The following NCAM1 variants were observed in gnomAD, a reference collection of about 807,000 sequenced individuals.
The protein encoded by NCAM1 is antigen recognized by monoclonal antibody 5.1H11.
Under a neutral mutation model 109.8 loss-of-function variants are expected in NCAM1, and 14 were observed. The observed-to-expected ratio is 0.13, with a 90% CI of 0.08 to 0.20. NCAM1 has a LOEUF of 0.20. Among genes scored for constraint, NCAM1 ranks in the 10% least tolerant of loss-of-function variants. The pLI is 1.00. For synonymous variants in NCAM1, 418 were observed against 442.9 expected (o/e 0.94, Z 0.70); for missense variants, 774 against 1,109.9 (o/e 0.70, Z 4.30).
At chr11:113,064,651 T>C (rs1555083918) in intron 1 of NCAM1, among the ~76,000 whole-genome samples, 1 of 152,226 alleles carries the variant, frequency 6.6e-6, no homozygotes, top group African/African-American at 2.4e-5. Flanking sequence ...GTCAGCAGAC[T>C]GTGGCTTACA....
chr11:113,106,085 C>A lies in NCAM1; in HGVS notation c.53-96294C>A, dbSNP rs375344566. ...TTATTTGACTAATTGGTATAGTAGT[C>A]AACTACCAAACAAATATTATCTGAA... On this transcript the variant is annotated intron_variant, in intron 1 of 19. Coordinates refer to ENST00000316851, the MANE Select transcript of NCAM1 (RefSeq NM_181351.5). 5.3e-4 allele frequency among the ~76,000 whole-genome samples: 81 copies of A among 151,852 alleles called. No individual in the cohort carries two copies. In the South Asian group the frequency reaches 0.016, roughly 31 times the overall value.
intron 1 of NCAM1, among the ~76,000 whole-genome samples, chr11:113,037,846 CT>C (rs1437064891): frequency 6.6e-6 from 1 of 152,360 alleles, no homozygotes; most frequent in East Asian, 1.9e-4. Flanking sequence ...CTTCTGGCCT[CT>C]GGCTCCATGA....
chr11:113,049,829 A>G (rs539214928), intron 1 of NCAM1, among the ~76,000 whole-genome samples: 8 of 152,276 alleles, frequency 5.3e-5, no homozygotes, highest in Non-Finnish European at 1.0e-4. Context: ...TGTCTGTCCT[A>G]TTGACAAAGC....
At position 113,276,342 on chromosome 11, in the gene NCAM1, G is replaced by A. The variant is rs1300480692; in HGVS notation, c.*955G>A. 1 of 152,528 alleles carries A rather than the reference G, an allele frequency of 6.6e-6. No homozygotes were observed. Among genetic ancestry groups the A allele is most frequent in the Admixed American group, 6.5e-5 (1 of 15,284 alleles). 9.4% of individuals were successfully genotyped at this position (152,528 alleles called of 1,614,324 possible). A position where few individuals can be genotyped will look rare whatever the true frequency, so the allele number is the denominator to read the frequency against. On this transcript the variant is annotated 3_prime_UTR_variant, in exon 20 of 20. Coordinates refer to ENST00000316851, the MANE Select transcript of NCAM1 (RefSeq NM_181351.5). ...TCAGGTGAAAATCCATCTCATTCTG[G>A]AATGGTTTTGCTTTTGAATTTTTGG...
rs1214710083 is a variant in NCAM1 at position 113,095,930 on chromosome 11, A to T, written c.53-106449A>T. 5.3e-5 allele frequency among the ~76,000 whole-genome samples: 8 copies of T among 152,332 alleles called. No individual in the cohort carries two copies. In the East Asian group the frequency reaches 1.5e-3, roughly 29 times the overall value. On this transcript the variant is annotated intron_variant, in intron 1 of 19. Transcript: ENST00000316851. The stretch of plus-strand genomic sequence containing the variant: ...CTGTTTTTAAAAATCTGCTGCAAGG[A>T]TTAAATAAAATGACGTAAATGGAAT...
chr11:113,236,199 G>T, intron 14 of NCAM1: 1 of 1,213,118 alleles, frequency 8.2e-7, no homozygotes, highest in Non-Finnish European at 1.2e-6. Context: ...AGCTCCATGT[G>T]CTCTGCGGAT....
At chr11:113,041,157 G>T (rs1312640210) in intron 1 of NCAM1, 1 of 151,966 alleles carries the variant, frequency 6.6e-6, no homozygotes, top group African/African-American at 2.4e-5. Flanking sequence ...TATAAAACAT[G>T]GTTTACACTC....
At chr11:113,183,129 C>T (rs1390401961) in intron 1 of NCAM1, among the ~76,000 whole-genome samples, 1 of 152,170 alleles carries the variant, frequency 6.6e-6, no homozygotes, top group Non-Finnish European at 1.5e-5. Flanking sequence ...TGCCTCAAAT[C>T]CTGTGGGTGT....
At chr11:113,130,002 C>A (rs1458086540) in intron 1 of NCAM1, among the ~76,000 whole-genome samples, 1 of 152,104 alleles carries the variant, frequency 6.6e-6, no homozygotes, top group Non-Finnish European at 1.5e-5. Flanking sequence ...CACTTATGGC[C>A]CTCTGGATGT....
chr11:113,262,713 C>T, intron 17 of NCAM1: 2 of 972,014 alleles, frequency 2.1e-6, no homozygotes, highest in Non-Finnish European at 3.0e-6. Flanking sequence ...CCTTCCCTTT[C>T]CTTCTGTCCC....
intron 1 of NCAM1, among the ~76,000 whole-genome samples, chr11:112,972,048 C>T (rs962501571): frequency 2.0e-5 from 3 of 151,944 alleles, no homozygotes; most frequent in African/African-American, 4.8e-5. Flanking sequence ...AAATGGTAGA[C>T]GACGGAGAGA....
chr11:113,255,781 A>G, intron 15 of NCAM1, 96 bp from the exon 16 acceptor site: 1 of 1,363,756 alleles, frequency 7.3e-7, no homozygotes, highest in South Asian at 1.4e-5. Flanking sequence ...AAGCAAGAAA[A>G]GTGTCCAGCC....
At chr11:113,042,375 G>A (rs1555080100) in intron 1 of NCAM1, among the ~76,000 whole-genome samples, 2 of 152,192 alleles carry the variant, frequency 1.3e-5, no homozygotes, top group Non-Finnish European at 2.9e-5. Context: ...GGCCTCTGCA[G>A]CATCTTCCTC....
At chr11:113,077,748 G>A (rs191929013) in intron 1 of NCAM1, among the ~76,000 whole-genome samples, 46 of 151,450 alleles carry the variant, frequency 3.0e-4, no homozygotes, top group Middle Eastern at 3.4e-3. Flanking sequence ...GTGCAGTGGC[G>A]CGATCTCGGC....
At chr11:113,055,066 C>T (rs533311621) in intron 1 of NCAM1, among the ~76,000 whole-genome samples, 82 of 152,258 alleles carry the variant, frequency 5.4e-4, no homozygotes, top group Non-Finnish European at 4.9e-4. Context: ...AGATTGCTGG[C>T]GCATGAAGCA....
rs575781421 is a variant in NCAM1 at position 113,214,034 on chromosome 11, G to T, written c.917-335G>T. Among the ~76,000 whole-genome samples the T allele has an allele frequency of 1.8e-3, 274 of 152,234 alleles. 2 individuals are homozygous for T. Among genetic ancestry groups the T allele is most frequent in the African/African-American group, 6.1e-3 (255 of 41,548 alleles). ...CAAATGACTCCATCTCCACCCTAGA[G>T]TTCCACCTCCTGAAAATCTCATGGT... On this transcript the variant is annotated intron_variant, in intron 7 of 19. Transcript: ENST00000316851.
intron 10 of NCAM1, 62 bp from the exon 11 acceptor site, chr11:113,232,108 A>G: frequency 6.9e-7 from 1 of 1,447,260 alleles, no homozygotes; most frequent in Non-Finnish European, 9.3e-7. Context: ...GTGCCAGGAG[A>G]CAGGATATGG....
chr11:113,151,609 T>C (rs539112998), intron 1 of NCAM1, among the ~76,000 whole-genome samples: 2 of 152,362 alleles, frequency 1.3e-5, no homozygotes, highest in South Asian at 2.1e-4. Context: ...CCACTCACTA[T>C]TGCATGAAGT....
chr11:113,017,258 A>G (rs1952229909), intron 1 of NCAM1, among the ~76,000 whole-genome samples: 1 of 152,236 alleles, frequency 6.6e-6, no homozygotes, highest in Non-Finnish European at 1.5e-5. Context: ...AATGAGGCAG[A>G]CTGGAAAAAT....
Sources: gnomAD v4.1 joint callset for allele counts (sites outside exome capture counted in the v4.1 genomes callset) on GRCh38, gnomAD v4.1.1 for gene constraint, MANE v1.5 for transcripts, NCBI Gene and HGNC (gene_info 2026-07-23, HGNC 2026-07-21) for gene names.